Variants in OTUD7A observed in about 807,000 individuals in gnomAD.
The protein encoded by OTUD7A is OTU deubiquitinase 7A.
OTUD7A carries 12 observed loss-of-function variants against 65.7 expected under a neutral mutation model. The ratio of observed to expected loss-of-function variants is 0.18; its 90% CI spans 0.12 to 0.30. The LOEUF (loss-of-function observed/expected upper bound fraction) is 0.30, where lower values mean the gene tolerates loss of function less well. Among genes scored for constraint, OTUD7A ranks in the 10% least tolerant of loss-of-function variants. The pLI is 1.00. For synonymous variants in OTUD7A, 641 were observed against 586.3 expected (o/e 1.09, Z -1.35); for missense variants, 1,148 against 1,304.8 (o/e 0.88, Z 1.85).
intron 3 of OTUD7A, among the ~76,000 whole-genome samples, chr15:31,618,258 T>C (rs1019548472): frequency 1.3e-5 from 2 of 152,216 alleles, no homozygotes; most frequent in African/African-American, 4.8e-5. Context: ...TGTGTCTTTA[T>C]AGCAGCATGA....
chr15:31,624,474 C>G (rs1322589440), intron 3 of OTUD7A, among the ~76,000 whole-genome samples: 2 of 152,114 alleles, frequency 1.3e-5, no homozygotes, highest in African/African-American at 4.8e-5. Context: ...CTGGCTTTTT[C>G]AAAGGGCTTC....
chr15:31,838,090 G>T (rs566633580), intron 1 of OTUD7A, among the ~76,000 whole-genome samples: 1 of 152,270 alleles, frequency 6.6e-6, no homozygotes, highest in East Asian at 1.9e-4. Flanking sequence ...AGTGAACTTT[G>T]ATCTAAATAT....
At chr15:31,598,941 C>T (rs915055569) in intron 3 of OTUD7A, among the ~76,000 whole-genome samples, 2 of 152,118 alleles carry the variant, frequency 1.3e-5, no homozygotes, top group Non-Finnish European at 2.9e-5. Flanking sequence ...CCGCCGTGGC[C>T]AGACTGCCTC....
intron 5 of OTUD7A, among the ~76,000 whole-genome samples, chr15:31,551,959 T>C (rs1167683036): frequency 1.3e-5 from 2 of 152,212 alleles, no homozygotes; most frequent in African/African-American, 4.8e-5. Flanking sequence ...TCCAAATCTA[T>C]GTTGAAATGT....
chr15:31,816,534 C>CA (rs368748974), intron 1 of OTUD7A, among the ~76,000 whole-genome samples: 3,839 of 134,536 alleles, frequency 0.029, 164 homozygotes, highest in African/African-American at 0.089. Context: ...ACTAAAAATA[C>CA]AAAAAAAAAA....
At chr15:31,610,693 C>T (rs1890390553) in intron 3 of OTUD7A, among the ~76,000 whole-genome samples, 1 of 131,176 alleles carries the variant, frequency 7.6e-6, no homozygotes, top group African/African-American at 2.9e-5. Context: ...GCAACCTTGG[C>T]TCACTGCAAG....
chr15:31,851,267 A>G (rs1897417608), intron 1 of OTUD7A, among the ~76,000 whole-genome samples: 1 of 152,218 alleles, frequency 6.6e-6, no homozygotes, highest in African/African-American at 2.4e-5. Context: ...GAATGTACCA[A>G]AGAGAGCTGG....
chr15:31,484,109 A>C lies in OTUD7A; in HGVS notation c.1987T>G (p.Tyr663Asp). The C allele has an allele frequency of 6.2e-7, 1 of 1,605,798 alleles. No homozygotes were observed. Among genetic ancestry groups the C allele is most frequent in the Non-Finnish European group, 8.5e-7 (1 of 1,179,296 alleles). ...RHQFHEEMIG[Y>D]YLTSAQERFS... ...CGCTCCTGCGCGCTCGTCAGGTAGT[A>C]GCCGATCATCTCCTCGTGGAACTGG... Residue 663 changes from tyrosine to aspartate, a missense_variant, in exon 13 of 13, where the codon TAC (tyrosine) becomes GAC (aspartate). Physicochemically the swap from Tyr to Asp is radical, Grantham distance 160 (BLOSUM62 -3). Transcript: ENST00000307050. The surrounding 1 kb of genome is among the most constrained non-coding windows in gnomAD (Gnocchi z 4.5).
chr15:31,506,470 A>G (rs2041569861), intron 8 of OTUD7A, among the ~76,000 whole-genome samples: 2 of 152,150 alleles, frequency 1.3e-5, no homozygotes, highest in Non-Finnish European at 2.9e-5. Context: ...AATAGCATTT[A>G]TATAAACTTG....
At chr15:31,799,269 AAC>A (rs1327395068) in intron 1 of OTUD7A, among the ~76,000 whole-genome samples, 6 of 152,170 alleles carry the variant, frequency 3.9e-5, no homozygotes, top group African/African-American at 9.7e-5. Context: ...GCCCCAGAAT[AAC>A]ACAGTTTCAT....
intron 3 of OTUD7A, among the ~76,000 whole-genome samples, chr15:31,571,987 C>T (rs1437502833): frequency 6.6e-6 from 1 of 152,162 alleles, no homozygotes; most frequent in African/African-American, 2.4e-5. Context: ...ACATGGATTC[C>T]CCTAATTTTT....
intron 1 of OTUD7A, among the ~76,000 whole-genome samples, chr15:31,726,055 T>G (rs1380492160): frequency 1.3e-4 from 1 of 7,526 alleles, no homozygotes; most frequent in African/African-American, 8.8e-4. Flanking sequence ...CCAGACAGAG[T>G]TTTTTTTTTT....
chr15:31,621,666 T>C (rs1414344611), intron 3 of OTUD7A, among the ~76,000 whole-genome samples: 2 of 152,164 alleles, frequency 1.3e-5, no homozygotes, highest in Admixed American at 1.3e-4. Context: ...TGTCTCTGCA[T>C]GTGAGATGGA....
intron 3 of OTUD7A, among the ~76,000 whole-genome samples, chr15:31,592,186 A>T (rs904302101): frequency 2.6e-5 from 4 of 152,206 alleles, no homozygotes; most frequent in African/African-American, 9.7e-5. Context: ...AACACTGTAC[A>T]AGTAGGCTAT....
At chr15:31,680,731 C>T (rs902582833) in intron 1 of OTUD7A, among the ~76,000 whole-genome samples, 8 of 152,226 alleles carry the variant, frequency 5.3e-5, no homozygotes, top group African/African-American at 1.9e-4. Context: ...GGGGACTGGG[C>T]TCCAGATGGA....
intron 1 of OTUD7A, among the ~76,000 whole-genome samples, chr15:31,748,321 G>A (rs891574823): frequency 4.0e-5 from 6 of 151,548 alleles, no homozygotes; most frequent in Non-Finnish European, 7.4e-5. Context: ...AAAACTCCAC[G>A]ATGATATACA....
chr15:31,631,851 A>G (rs1251449771), intron 3 of OTUD7A, among the ~76,000 whole-genome samples: 1 of 151,900 alleles, frequency 6.6e-6, no homozygotes, highest in Non-Finnish European at 1.5e-5. Context: ...ATCTTCCATC[A>G]CTGATACCCT....
intron 1 of OTUD7A, among the ~76,000 whole-genome samples, chr15:31,708,881 C>CA (rs1893366924): frequency 6.6e-6 from 1 of 151,216 alleles, no homozygotes; most frequent in Non-Finnish European, 1.5e-5. Context: ...GGGAAGGAGG[C>CA]AGTGAGAGAT....
intron 8 of OTUD7A, among the ~76,000 whole-genome samples, chr15:31,508,596 C>T (rs2041620596): frequency 6.6e-6 from 1 of 152,244 alleles, no homozygotes; most frequent in African/African-American, 2.4e-5. Context: ...TCATGATCCG[C>T]CTGCCTCAGC....
Sources: gnomAD v4.1 joint callset for allele counts (sites outside exome capture counted in the v4.1 genomes callset) on GRCh38, gnomAD v4.1.1 for gene constraint, Gnocchi (gnomAD v3.1) non-coding constraint, MANE v1.5 for transcripts, NCBI Gene and HGNC (gene_info 2026-07-23, HGNC 2026-07-21) for gene names.